Variants in NKAIN2 observed in about 807,000 individuals in gnomAD.
The protein encoded by NKAIN2 is sodium/potassium-transporting ATPase subunit beta-1-interacting protein 2.
Under a neutral mutation model 32.6 loss-of-function variants are expected in NKAIN2, and 14 were observed. The ratio of observed to expected loss-of-function variants is 0.43; its 90% CI spans 0.28 to 0.67. NKAIN2 has a LOEUF of 0.67. Ranked by LOEUF, NKAIN2 falls within the 30% of genes least tolerant of loss-of-function variation. The probability of loss-of-function intolerance (pLI) is 0.17; values close to 1 mark genes in which losing one functional copy is unlikely to be tolerated. For missense variants in NKAIN2, 198 were observed against 258.3 expected, an observed-to-expected ratio of 0.77 and a Z score of 1.60; for synonymous variants, 80 against 87.2, an observed-to-expected ratio of 0.92 and a Z score of 0.46.
intron 1 of NKAIN2, among the ~76,000 whole-genome samples, chr6:124,024,299 C>G (rs996317538): frequency 1.4e-4 from 22 of 151,986 alleles, no homozygotes; most frequent in African/African-American, 4.8e-4. Flanking sequence ...TTCATATACC[C>G]AGATTACTCA....
intron 3 of NKAIN2, among the ~76,000 whole-genome samples, chr6:124,539,456 C>T (rs2098366753): frequency 6.6e-6 from 1 of 151,852 alleles, no homozygotes; most frequent in African/African-American, 2.4e-5. Flanking sequence ...TTTCCTTTTG[C>T]ATGTATACAA....
chr6:124,662,125 A>T (rs1784768473), intron 4 of NKAIN2, among the ~76,000 whole-genome samples: 1 of 152,138 alleles, frequency 6.6e-6, no homozygotes, highest in Non-Finnish European at 1.5e-5. Context: ...GGAGTGTAAA[A>T]ATTCAGGGTT....
rs62436960 is a variant in NKAIN2, at chr6:124,200,589, A to G, written c.55-82416A>G. On this transcript the variant is annotated intron_variant, in intron 1 of 6. Coordinates refer to ENST00000368417, the MANE Select transcript of NKAIN2 (RefSeq NM_001040214.3). ...TAATATTTAAATCACCTACCACTTC[A>G]TGAGTATCTTAGATAAATTTCACAT... Among the ~76,000 whole-genome samples the G allele has an allele frequency of 3.6e-3, 550 of 152,248 alleles. 4 individuals are homozygous for G. Among genetic ancestry groups the G allele is most frequent in the Non-Finnish European group, 6.6e-3 (448 of 67,990 alleles).
chr6:124,497,671 AT>A (rs1337103126), intron 3 of NKAIN2, among the ~76,000 whole-genome samples: 1 of 152,040 alleles, frequency 6.6e-6, no homozygotes, highest in Non-Finnish European at 1.5e-5. Flanking sequence ...TATTTACTAC[AT>A]TATACACTAT....
At chr6:124,819,812 G>C (rs1163680752) in intron 6 of NKAIN2, among the ~76,000 whole-genome samples, 1 of 152,104 alleles carries the variant, frequency 6.6e-6, no homozygotes, top group Non-Finnish European at 1.5e-5. Context: ...GGAAAATGTA[G>C]TAATGAATAA....
intron 4 of NKAIN2, among the ~76,000 whole-genome samples, chr6:124,691,159 G>A (rs951189347): frequency 1.3e-5 from 2 of 152,092 alleles, no homozygotes; most frequent in African/African-American, 4.8e-5. Context: ...CATTACACTT[G>A]TTTTTACCTC....
chr6:124,742,927 C>T (rs1336212083), intron 4 of NKAIN2, among the ~76,000 whole-genome samples: 1 of 151,906 alleles, frequency 6.6e-6, no homozygotes. Flanking sequence ...ATTAAAATTA[C>T]AATTCACTCA....
chr6:124,816,912 A>C (rs887746583), intron 5 of NKAIN2, among the ~76,000 whole-genome samples: 1 of 152,170 alleles, frequency 6.6e-6, no homozygotes, highest in Non-Finnish European at 1.5e-5. Flanking sequence ...CAAAAACTAA[A>C]CTTTTTCACA....
intron 1 of NKAIN2, among the ~76,000 whole-genome samples, chr6:124,070,742 A>C (rs899506917): frequency 6.6e-6 from 1 of 152,126 alleles, no homozygotes; most frequent in African/African-American, 2.4e-5. Flanking sequence ...CATCTTTCAC[A>C]TGACTAGAAA....
At chr6:123,890,481 G>A (rs969971154) in intron 1 of NKAIN2, among the ~76,000 whole-genome samples, 9 of 151,968 alleles carry the variant, frequency 5.9e-5, no homozygotes, top group East Asian at 1.9e-4. Context: ...CATCACCACC[G>A]AGAGCTGGTA....
intron 3 of NKAIN2, among the ~76,000 whole-genome samples, chr6:124,372,494 T>C (rs989405550): frequency 3.9e-5 from 6 of 152,154 alleles, no homozygotes; most frequent in Non-Finnish European, 8.8e-5. Context: ...GTTCTCAGGA[T>C]TTTTATGTTT....
intron 1 of NKAIN2, among the ~76,000 whole-genome samples, chr6:123,986,970 G>T (rs1779166190): frequency 6.6e-6 from 1 of 152,106 alleles, no homozygotes; most frequent in Admixed American, 6.5e-5. Context: ...TATATAGGAG[G>T]ACTATAACGT....
In NKAIN2 at chr6:123,874,915, A is replaced by G. The variant is rs536764005; in HGVS notation, c.54+70661A>G. Among the ~76,000 whole-genome samples the G allele has an allele frequency of 7.5e-3, 1,135 of 151,810 alleles. 9 individuals carry two copies. The highest frequency in any genetic ancestry group is 0.026 in the African/African-American group (1,060 of 41,318). On this transcript the variant is annotated intron_variant, in intron 1 of 6. Transcript: ENST00000368417. ...TACATACATACATACATACATATAT[A>G]TATGTGTGTGTGTGTGTACATACAC...
At chr6:124,059,769 G>T (rs1409894889) in intron 1 of NKAIN2, among the ~76,000 whole-genome samples, 1 of 152,070 alleles carries the variant, frequency 6.6e-6, no homozygotes, top group Non-Finnish European at 1.5e-5. Context: ...CTTGATCTCT[G>T]CTCTAAATGG....
chr6:124,457,746 T>G (rs1312189947), intron 3 of NKAIN2, among the ~76,000 whole-genome samples: 1 of 151,950 alleles, frequency 6.6e-6, no homozygotes, highest in African/African-American at 2.4e-5. Flanking sequence ...CACGTATTCA[T>G]TCAAAGTGTT....
At chr6:124,594,996 AT>A (rs1438076545) in intron 3 of NKAIN2, among the ~76,000 whole-genome samples, 1 of 152,152 alleles carries the variant, frequency 6.6e-6, no homozygotes, top group Non-Finnish European at 1.5e-5. Context: ...AGTCAGAGTC[AT>A]TTACTGAGAG....
At chr6:124,557,600 G>C (rs922561666) in intron 3 of NKAIN2, among the ~76,000 whole-genome samples, 3 of 152,122 alleles carry the variant, frequency 2.0e-5, no homozygotes, top group African/African-American at 7.2e-5. Context: ...GAGGAATTAA[G>C]CATACCAGTG....
intron 2 of NKAIN2, among the ~76,000 whole-genome samples, chr6:124,320,600 T>C (rs1479847791): frequency 1.3e-5 from 2 of 152,220 alleles, no homozygotes; most frequent in Non-Finnish European, 2.9e-5. Context: ...GCAAACTGCC[T>C]ATTATTTGTT....
intron 4 of NKAIN2, among the ~76,000 whole-genome samples, chr6:124,677,184 G>A (rs1015628885): frequency 1.6e-4 from 25 of 152,226 alleles, no homozygotes; most frequent in Middle Eastern, 3.4e-3. Flanking sequence ...GGCCAGGCTG[G>A]TCTCGAACTC....
Sources: allele counts gnomAD v4.1 joint callset (sites outside exome capture counted in the v4.1 genomes callset), GRCh38; gene constraint gnomAD v4.1.1; transcripts MANE v1.5; gene names NCBI Gene and HGNC (gene_info 2026-07-23, HGNC 2026-07-21).